VPS45: variants seen among roughly 807,000 people sequenced by gnomAD.
VPS45 encodes the protein vacuolar protein sorting-associated protein 45.
A neutral mutation model predicts 75.9 loss-of-function variants in VPS45; 35 were observed. The observed-to-expected ratio is 0.46, with a 90% CI of 0.35 to 0.61. VPS45 has a LOEUF of 0.61. Ranked by LOEUF, VPS45 falls within the 20% of genes least tolerant of loss-of-function variation. The pLI, the probability that VPS45 is intolerant of heterozygous loss-of-function variation, is 0.00. For missense variants in VPS45, 559 were observed against 685.9 expected (o/e 0.81, Z 2.07); for synonymous variants, 220 against 238.2 (o/e 0.92, Z 0.70).
intron 14 of VPS45, among the ~76,000 whole-genome samples, chr1:150,143,934 A>G (rs1659540748): frequency 6.6e-6 from 1 of 152,194 alleles, no homozygotes; most frequent in African/African-American, 2.4e-5. Context: ...GCATGCATAT[A>G]TGCATATATA....
At chr1:150,115,350 T>C (rs932429440) in intron 14 of VPS45, among the ~76,000 whole-genome samples, 5 of 152,236 alleles carry the variant, frequency 3.3e-5, no homozygotes, top group African/African-American at 1.2e-4. Flanking sequence ...TAATATTATA[T>C]TTTTATGCTC....
At chr1:150,089,297 A>T (rs1221580291) in intron 10 of VPS45, among the ~76,000 whole-genome samples, 8 of 152,204 alleles carry the variant, frequency 5.3e-5, no homozygotes, top group African/African-American at 1.9e-4. Context: ...CATTGTGCCT[A>T]TAAGAAAAGT....
chr1:150,144,140 G>A (rs946933070), intron 14 of VPS45, among the ~76,000 whole-genome samples: 11 of 151,602 alleles, frequency 7.3e-5, no homozygotes, highest in African/African-American at 2.2e-4. Context: ...TTAGAGACAG[G>A]GTCTTGCTCT....
chr1:150,082,031 T>G (rs1245867617), intron 9 of VPS45, 34 bp downstream of exon 9: 8 of 1,394,546 alleles, frequency 5.7e-6, no homozygotes, highest in Non-Finnish European at 8.1e-6. Context: ...GACAAACATG[T>G]GACAGTTTGG....
chr1:150,083,431 A>C (rs1215641797), intron 10 of VPS45: 3 of 152,194 alleles, frequency 2.0e-5, no homozygotes, highest in Admixed American at 2.0e-4. Context: ...ACCACATTAC[A>C]GTAGGGGAGA....
intron 14 of VPS45, among the ~76,000 whole-genome samples, chr1:150,126,570 T>G (rs587597748): frequency 6.6e-6 from 1 of 152,282 alleles, no homozygotes; most frequent in East Asian, 1.9e-4. Flanking sequence ...ATATCTTGAT[T>G]GAGGAGTTGG....
chr1:150,117,684 C>T (rs1658011165), intron 14 of VPS45, among the ~76,000 whole-genome samples: 1 of 151,858 alleles, frequency 6.6e-6, no homozygotes, highest in South Asian at 2.1e-4. Context: ...TGTGGCGAAA[C>T]TCCATCTCTA....
In VPS45 at chr1:150,144,927, G is replaced by A. The variant is rs782263243; in HGVS notation, c.*131G>A. ...TAGAACTCATCTCCAGGTAGCCCAC[G>A]GATACGTGGTTGGCACAGACACAAG... On this transcript the variant is annotated 3_prime_UTR_variant, in exon 15 of 15. Coordinates refer to ENST00000644510, the MANE Select transcript of VPS45 (RefSeq NM_007259.5). The A allele has an allele frequency of 5.0e-5, 78 of 1,545,934 alleles. No individual in the cohort carries two copies. Among genetic ancestry groups the A allele is most frequent in the Non-Finnish European group, 6.2e-5 (71 of 1,150,306 alleles).
chr1:150,105,953 A>G (rs1657302046), intron 13 of VPS45, among the ~76,000 whole-genome samples: 1 of 152,222 alleles, frequency 6.6e-6, no homozygotes, highest in Non-Finnish European at 1.5e-5. Context: ...ATAAAGCCAC[A>G]TACCTACAAC....
At position 150,110,518 on chromosome 1, in the gene VPS45, G is replaced by A. The variant is rs1323351672; in HGVS notation, c.1516G>A (p.Val506Ile). The A allele has an allele frequency of 1.2e-6, 2 of 1,612,722 alleles. No individual in the cohort carries two copies. Among genetic ancestry groups the A allele is most frequent in the African/African-American group, 2.7e-5 (2 of 74,720 alleles). The change falls in exon 14 of 15, where the codon GTA becomes ATA. Residue 506 changes from valine (V) to isoleucine (I), a missense_variant. Physicochemically the swap from Val to Ile is conservative, Grantham distance 29. Transcript: ENST00000644510. ...CAGACCTCAGGATATCATTGTGTTT[G>A]TAATTGGAGGAGCCACCTATGAAGA... is the stretch of plus-strand genomic sequence containing the variant. The part of the protein sequence containing the change: ...RDRPQDIIVF[V>I]IGGATYEEAL...
chr1:150,143,569 C>A (rs966006284), intron 14 of VPS45, among the ~76,000 whole-genome samples: 5 of 134,164 alleles, frequency 3.7e-5, no homozygotes, highest in Admixed American at 3.3e-4. Flanking sequence ...GCCTGGGCAA[C>A]AGAGCAAGAC....
intron 14 of VPS45, among the ~76,000 whole-genome samples, chr1:150,116,072 G>A (rs587663794): frequency 6.6e-5 from 10 of 152,248 alleles, no homozygotes; most frequent in Non-Finnish European, 1.3e-4. Context: ...TTTATTACAA[G>A]ATAATTTTCA....
intron 1 of VPS45, chr1:150,068,169 T>C (rs1200812618): frequency 4.9e-5 from 25 of 514,284 alleles, no homozygotes; most frequent in Admixed American, 1.8e-4. Flanking sequence ...GAACAATTTA[T>C]TGGAATCAGA....
At chr1:150,116,423 T>C (rs74127453) in intron 14 of VPS45, among the ~76,000 whole-genome samples, 3,274 of 152,274 alleles carry the variant, frequency 0.022, 96 homozygotes, top group African/African-American at 0.074. Context: ...AATCTATTAA[T>C]TCATTGAATC....
At chr1:150,086,611 T>C (rs1328048216) in intron 10 of VPS45, among the ~76,000 whole-genome samples, 2 of 152,156 alleles carry the variant, frequency 1.3e-5, no homozygotes, top group Non-Finnish European at 2.9e-5. Flanking sequence ...CCTTTTACTC[T>C]AAAACAACAT....
intron 13 of VPS45, among the ~76,000 whole-genome samples, chr1:150,107,335 A>G (rs1273249167): frequency 6.6e-6 from 1 of 152,114 alleles, no homozygotes; most frequent in Non-Finnish European, 1.5e-5. Flanking sequence ...AACCTAAACC[A>G]CTACACCTAG....
intron 13 of VPS45, among the ~76,000 whole-genome samples, chr1:150,101,282 A>AAAT (rs1171127417): frequency 6.6e-6 from 1 of 151,212 alleles, no homozygotes; most frequent in Non-Finnish European, 1.5e-5. Context: ...AAAAAAAAAA[A>AAAT]GTGGGCAAAG....
chr1:150,100,762 T>G (rs1553804076), intron 13 of VPS45, among the ~76,000 whole-genome samples: 1 of 152,094 alleles, frequency 6.6e-6, no homozygotes, highest in Non-Finnish European at 1.5e-5. Flanking sequence ...GGTGCTGAAA[T>G]AACTGACTAG....
chr1:150,144,042 A>T (rs1659546177), intron 14 of VPS45, among the ~76,000 whole-genome samples: 1 of 152,214 alleles, frequency 6.6e-6, no homozygotes, highest in South Asian at 2.1e-4. Flanking sequence ...ATTTTCCATA[A>T]GTAAAAGAAA....
Sources: gnomAD v4.1 joint callset for allele counts (sites outside exome capture counted in the v4.1 genomes callset) on GRCh38, gnomAD v4.1.1 for gene constraint, MANE v1.5 for transcripts, NCBI Gene and HGNC (gene_info 2026-07-23, HGNC 2026-07-21) for gene names.